The following HJURP variants were observed in gnomAD, a reference collection of about 807,000 sequenced individuals.
HJURP encodes Holliday junction recognition protein, also known as 14-3-3-associated AKT substrate.
Under a neutral mutation model 72.0 loss-of-function variants are expected in HJURP, and 49 were observed. The observed-to-expected ratio is 0.68, with a 90% confidence interval of 0.54 to 0.86. The LOEUF is 0.86. Ranked by LOEUF, HJURP falls within the 40% of genes least tolerant of loss-of-function variation. HJURP has a pLI of 0.00. For synonymous variants in HJURP, 357 were observed against 347.1 expected, an observed-to-expected ratio of 1.03 and a Z score of -0.32; for missense variants, 908 against 936.3, an observed-to-expected ratio of 0.97 and a Z score of 0.39.
rs376914625 is a variant in HJURP at position 233,837,565 on chromosome 2, G to A, written c.*12C>T. 6.5e-5 allele frequency: 103 copies of A among 1,575,618 alleles called. No individual in the cohort carries two copies. In the South Asian group the frequency reaches 7.6e-4, roughly 12 times the overall value. On this transcript the variant is annotated 3_prime_UTR_variant, in exon 9 of 9. Coordinates refer to ENST00000411486, the MANE Select transcript of HJURP (RefSeq NM_018410.5). Reference sequence around the variant, plus strand: ...CAAGTGGGAAGATAAATAACACTCCGAAATAACCTAGCTACACACTTTTAG... The same window carrying A: ...CAAGTGGGAAGATAAATAACACTCCAAAATAACCTAGCTACACACTTTTAG...
At chr2:233,848,797 C>G (rs369815731) in intron 4 of HJURP, among the ~76,000 whole-genome samples, 44 of 152,228 alleles carry the variant, frequency 2.9e-4, no homozygotes, top group African/African-American at 1.0e-3. Flanking sequence ...GAAGCCATGG[C>G]TCCACCTGGG....
Position 233,837,587 on chromosome 2 carries a change from T to C in HJURP, c.2237A>G (p.Lys746Arg). 1 of 1,606,338 alleles carries C rather than the reference T, an allele frequency of 6.2e-7. No homozygotes were observed. The change falls in exon 9 of 9, where the codon AAA (lysine) becomes AGA (arginine). Residue 746 changes from lysine to arginine, a missense_variant. Physicochemically the swap from Lys to Arg is conservative, Grantham distance 26 (BLOSUM62 2). Coordinates refer to ENST00000411486, the MANE Select transcript of HJURP (RefSeq NM_018410.5). ...TCCGAAATAACCTAGCTACACACTT[T>C]TAGTTTCCAATTTTTCTAGCATGAA... Reference protein sequence around the residue: ...SDFMLEKLETKSV With the variant: ...SDFMLEKLETRSV
At chr2:233,843,244 C>A (rs930817449) in intron 7 of HJURP, among the ~76,000 whole-genome samples, 1 of 152,220 alleles carries the variant, frequency 6.6e-6, no homozygotes, top group African/African-American at 2.4e-5. Flanking sequence ...TCCACCCAGG[C>A]GATCCGCATT....
In HJURP at chr2:233,851,766, T is replaced by C. The variant is rs563276834; in HGVS notation, c.240+799A>G. Among the ~76,000 whole-genome samples the C allele has an allele frequency of 4.6e-5, 7 of 152,346 alleles. No homozygotes were observed. In the East Asian group the frequency reaches 1.3e-3, roughly 29 times the overall value. On this transcript the variant is annotated intron_variant, in intron 3 of 8. Coordinates refer to ENST00000411486, the MANE Select transcript of HJURP (RefSeq NM_018410.5). ...AGGAATCAGCTCATTTATGTAGTTG[T>C]ATGTACTTTTAACATTTTTATGACT...
chr2:233,839,460 T>G (rs1170310125), intron 8 of HJURP, among the ~76,000 whole-genome samples: 2 of 152,208 alleles, frequency 1.3e-5, no homozygotes, highest in Non-Finnish European at 2.9e-5. Flanking sequence ...CAGGTGGCCC[T>G]GAGCAGTCCA....
chr2:233,837,544 T>C lies in HJURP; in HGVS notation c.*33A>G. 1 of 1,410,606 alleles carries C rather than the reference T, an allele frequency of 7.1e-7. No individual in the cohort carries two copies. The highest frequency in any genetic ancestry group is 1.2e-5 in the South Asian group (1 of 84,764). 87.4% of individuals were successfully genotyped at this position (1,410,606 alleles called of 1,614,324 possible). ...AACAAAAATACAAACAGAGAGCAAG[T>C]GGGAAGATAAATAACACTCCGAAAT... On this transcript the variant is annotated 3_prime_UTR_variant, in exon 9 of 9. Transcript: ENST00000411486.
intron 1 of HJURP, 59 bp downstream of exon 1, chr2:233,854,325 C>CA: frequency 7.9e-7 from 1 of 1,267,194 alleles, no homozygotes. Flanking sequence ...CCTACGTCCC[C>CA]TCCCAGCCTC....
rs370669455 is a variant in HJURP at position 233,849,827 on chromosome 2, A to C, written c.273T>G (p.Asp91Glu). The C allele has an allele frequency of 5.1e-6, 8 of 1,553,816 alleles. No homozygotes were observed. The South Asian group carries it at 9.5e-5, about 18-fold the overall frequency. ...DSSMKPADRT[D>E]GSVQAAAWGP... The stretch of plus-strand genomic sequence containing the variant: ...CCCAGGCTGCAGCTTGCACGGAGCC[A>C]TCTGTCCTGTCCGCGGGCTTCATGG... Residue 91 changes from aspartate to glutamate, a missense_variant, in exon 4 of 9, where the codon GAT (aspartate) becomes GAG (glutamate). Physicochemically the swap from Asp to Glu is conservative, Grantham distance 45. Around this residue, in one of 3 missense-constraint regions of HJURP, gnomAD observed 299 missense variants for 286.7 expected, o/e 1.04. Transcript: ENST00000411486.
rs1705208208 is a variant in HJURP, at chr2:233,840,881, G to T, written c.1899C>A (p.Phe633Leu). Residue 633 changes from phenylalanine to leucine, a missense_variant, in exon 8 of 9, where the codon TTC becomes TTA. This residue lies in a region of HJURP where 598 missense variants were observed against 619.5 expected (regional missense o/e 0.97). Transcript: ENST00000411486. ...FLGKLNPDPH[F>L]QGFQKLPSSP... is the part of the protein sequence containing the mutation. ...ATGATGGCAACTTCTGGAAACCCTG[G>T]AAGTGAGGGTCTGGATTTAATTTTC... 1 of 1,614,142 alleles carries T rather than the reference G, an allele frequency of 6.2e-7. No homozygotes were observed.
intron 2 of HJURP, among the ~76,000 whole-genome samples, chr2:233,853,322 C>T (rs1299801551): frequency 6.6e-5 from 10 of 152,182 alleles, no homozygotes; most frequent in Non-Finnish European, 1.3e-4. Flanking sequence ...GATTTCAGTC[C>T]GTTTACATTA....
In HJURP at chr2:233,845,832, A is replaced by G; in HGVS notation, c.403-12T>C. ...TGAGGCACTGCAGGCTGATCAAAAA[A>G]GAGAAGTCAGAATTTTTAAGAGCTT... On this transcript the variant is annotated splice_polypyrimidine_tract_variant and intron_variant, in intron 5 of 8. Transcript: ENST00000411486. 1 of 1,585,802 alleles carries G rather than the reference A, an allele frequency of 6.3e-7. No homozygotes were observed.
Position 233,849,801 on chromosome 2 carries a change from C to T in HJURP, c.299G>A (p.Gly100Asp), listed in dbSNP as rs1705456811. The T allele has an allele frequency of 6.4e-7, 1 of 1,555,210 alleles. No homozygotes were observed. The change falls in exon 4 of 9, where the codon GGT becomes GAT. Residue 100 changes from glycine to aspartate, a missense_variant. By Grantham distance (94) the Gly-to-Asp change is moderately conservative. This residue lies in a region of HJURP where 299 missense variants were observed against 286.7 expected (regional missense o/e 1.04). Transcript: ENST00000411486. ...TDGSVQAAAWGPELPSHRTVL... is the reference protein window; with the variant it reads ...TDGSVQAAAWDPELPSHRTVL... The stretch of plus-strand genomic sequence containing the variant: ...TGTGCGGTGCGAGGGAAGCTCAGGA[C>T]CCCAGGCTGCAGCTTGCACGGAGCC...
At chr2:233,844,168 A>T in intron 7 of HJURP, 37 bp downstream of exon 7, 1 of 1,576,226 alleles carries the variant, frequency 6.3e-7, no homozygotes, top group Non-Finnish European at 8.7e-7. Flanking sequence ...AGTGAAGGAA[A>T]CACGCACTGT....
chr2:233,847,008 G>C (rs1478416416), intron 5 of HJURP, among the ~76,000 whole-genome samples: 1 of 152,152 alleles, frequency 6.6e-6, no homozygotes, highest in Admixed American at 6.5e-5. Flanking sequence ...GACAGACCTG[G>C]AAATACTCCC....
chr2:233,841,397 G>A lies in HJURP; in HGVS notation c.1383C>T (p.Ser461=), dbSNP rs1317706683. Reference sequence around the variant, plus strand: ...CCCCTCTGTACATGTTCATGGCCCAGGAGTCCGGGAGGCACATCCGGCGAG... The same window carrying A: ...CCCCTCTGTACATGTTCATGGCCCAAGAGTCCGGGAGGCACATCCGGCGAG... ...NQPRRMCLPD[S]WAMNMYRGGP... The change falls in exon 8 of 9, where the codon TCC becomes TCT. Residue 461 remains serine, a synonymous_variant. Transcript: ENST00000411486. 1 of 1,614,020 alleles carries A rather than the reference G, an allele frequency of 6.2e-7. No homozygotes were observed. Among genetic ancestry groups the A allele is most frequent in the Non-Finnish European group, 8.5e-7 (1 of 1,180,026 alleles).
At chr2:233,850,121 C>T (rs10173569) in intron 3 of HJURP, among the ~76,000 whole-genome samples, 29,650 of 152,112 alleles carry the variant, frequency 0.19, 3,187 homozygotes, top group African/African-American at 0.28. Context: ...GGCCCAGGCA[C>T]GAGCAGATAA....
chr2:233,849,495 G>A (rs1432922065), intron 4 of HJURP, among the ~76,000 whole-genome samples: 1 of 151,998 alleles, frequency 6.6e-6, no homozygotes, highest in African/African-American at 2.4e-5. Flanking sequence ...TACTAAATCT[G>A]GATATTAACT....
Position 233,837,381 on chromosome 2 carries a change from T to A in HJURP, c.*196A>T. Reference sequence around the variant, plus strand: ...GGCCTATCAAAGAGAACCCTAAAAATTCTAATTGAGCAACTTTATTCACAT... The same window carrying A: ...GGCCTATCAAAGAGAACCCTAAAAAATCTAATTGAGCAACTTTATTCACAT... On this transcript the variant is annotated 3_prime_UTR_variant, in exon 9 of 9. Transcript: ENST00000411486. 3 of 388,420 alleles carry A rather than the reference T, an allele frequency of 7.7e-6. No homozygotes were observed. The highest frequency in any genetic ancestry group is 4.6e-6 in the Non-Finnish European group (1 of 216,882). 24.1% of individuals were successfully genotyped at this position (388,420 alleles called of 1,614,324 possible). A position where few individuals can be genotyped will look rare whatever the true frequency, so the allele number is the denominator to read the frequency against.
chr2:233,846,882 C>T lies in HJURP; in HGVS notation c.402+515G>A, dbSNP rs1041548941. On this transcript the variant is annotated intron_variant, in intron 5 of 8. Coordinates refer to ENST00000411486, the MANE Select transcript of HJURP (RefSeq NM_018410.5). This position sits in a 1 kb window ranked among gnomAD's most constrained non-coding sequence, Gnocchi z 4.3. ...ATAAGAAGCACATCCCATAAGAAAA[C>T]GGGTGGTTTCTGTGACCCAGGGGGC... is the stretch of plus-strand genomic sequence containing the variant. 9.9e-5 allele frequency among the ~76,000 whole-genome samples: 15 copies of T among 152,116 alleles called. No individual in the cohort carries two copies. The highest frequency in any genetic ancestry group is 1.9e-4 in the Non-Finnish European group (13 of 68,006).
Sources: allele counts gnomAD v4.1 joint callset (sites outside exome capture counted in the v4.1 genomes callset), GRCh38; gene constraint gnomAD v4.1.1; regional missense constraint gnomAD v4.1.1; non-coding constraint Gnocchi (gnomAD v3.1); transcripts MANE v1.5; gene names NCBI Gene and HGNC (gene_info 2026-07-23, HGNC 2026-07-21).